The following SMARCAD1 variants were observed in gnomAD, a reference collection of about 807,000 sequenced individuals.
The protein encoded by SMARCAD1 is SNF2 related chromatin remodeling ATPase with DExD box 1.
Under a neutral mutation model 127.1 loss-of-function variants are expected in SMARCAD1, and 25 were observed. The ratio of observed to expected loss-of-function variants is 0.20; its 90% confidence interval spans 0.14 to 0.27. The LOEUF (loss-of-function observed/expected upper bound fraction) is 0.27, where lower values mean the gene tolerates loss of function less well. SMARCAD1 is among the 10% of genes least tolerant of loss of function. The pLI, the probability that SMARCAD1 is intolerant of heterozygous loss-of-function variation, is 1.00. For missense variants in SMARCAD1, 807 were observed against 1,206.0 expected (o/e 0.67, Z 4.90); for synonymous variants, 400 against 396.9 (o/e 1.01, Z -0.09).
At chr4:94,229,046 G>A (rs910724971) in intron 3 of SMARCAD1, among the ~76,000 whole-genome samples, 3 of 152,204 alleles carry the variant, frequency 2.0e-5, no homozygotes, top group South Asian at 2.1e-4. Flanking sequence ...GCATGTGTCA[G>A]GAGACACATG....
intron 21 of SMARCAD1, among the ~76,000 whole-genome samples, chr4:94,282,478 A>G (rs552912102): frequency 2.8e-4 from 42 of 152,102 alleles, no homozygotes; most frequent in African/African-American, 7.9e-4. Context: ...AAAACACCTT[A>G]TCTTTCATCA....
At position 94,285,080 on chromosome 4, in the gene SMARCAD1, T is replaced by C; in HGVS notation, c.3019+11T>C. 1 of 1,546,530 alleles carries C rather than the reference T, an allele frequency of 6.5e-7. No homozygotes were observed. The highest frequency in any genetic ancestry group is 8.9e-7 in the Non-Finnish European group (1 of 1,124,502). ...CTACAGTAGATGAAGGTGAGTTGTTTGTAAGCAGAAACTTCAATATTTATC... is the reference window on the plus strand; with the variant it reads ...CTACAGTAGATGAAGGTGAGTTGTTCGTAAGCAGAAACTTCAATATTTATC... On this transcript the variant is annotated intron_variant, in intron 23 of 23. Coordinates refer to ENST00000354268, the MANE Select transcript of SMARCAD1 (RefSeq NM_020159.5).
intron 8 of SMARCAD1, 41 bp downstream of exon 8, chr4:94,250,874 T>C: frequency 6.9e-7 from 1 of 1,444,110 alleles, no homozygotes; most frequent in Non-Finnish European, 9.7e-7. Context: ...CTTCTCATTA[T>C]AGTCTGTATT....
intron 2 of SMARCAD1, among the ~76,000 whole-genome samples, chr4:94,212,477 A>G (rs1478064459): frequency 1.3e-5 from 2 of 148,336 alleles, no homozygotes; most frequent in Non-Finnish European, 3.0e-5. Context: ...GCCCAGCCCT[A>G]TACATATTTA....
chr4:94,280,025 C>T (rs1236167849), intron 19 of SMARCAD1, among the ~76,000 whole-genome samples: 8 of 151,996 alleles, frequency 5.3e-5, no homozygotes, highest in Admixed American at 5.2e-4. Flanking sequence ...CCACTACGCC[C>T]AGCTAATTTT....
At chr4:94,221,827 A>G (rs1230165597) in intron 2 of SMARCAD1, among the ~76,000 whole-genome samples, 3 of 151,918 alleles carry the variant, frequency 2.0e-5, no homozygotes, top group East Asian at 1.9e-4. Flanking sequence ...CTATATGTAC[A>G]TGGAGATCTA....
chr4:94,289,813 T>C lies in SMARCAD1; in HGVS notation c.*279T>C. 1.8e-6 allele frequency: 1 copy of C among 541,572 alleles called. No homozygotes were observed. The highest frequency in any genetic ancestry group is 3.5e-6 in the Non-Finnish European group (1 of 284,022). 33.5% of individuals were successfully genotyped at this position (541,572 alleles called of 1,614,324 possible). A position where few individuals can be genotyped will look rare whatever the true frequency, so the allele number is the denominator to read the frequency against. On this transcript the variant is annotated 3_prime_UTR_variant, in exon 24 of 24. Coordinates refer to ENST00000354268, the MANE Select transcript of SMARCAD1 (RefSeq NM_020159.5). Reference sequence around the variant, plus strand: ...GAATGGGGATTAGTTGGTGATTGTTTGTAACAAATATGCTAATGCTTTAGA... The same window carrying C: ...GAATGGGGATTAGTTGGTGATTGTTCGTAACAAATATGCTAATGCTTTAGA...
chr4:94,288,800 A>C (rs754423097), intron 23 of SMARCAD1, among the ~76,000 whole-genome samples: 2 of 152,122 alleles, frequency 1.3e-5, no homozygotes, highest in South Asian at 4.1e-4. Context: ...AAATTAATCA[A>C]CTCATCTCAA....
intron 11 of SMARCAD1, 27 bp downstream of exon 11, chr4:94,270,845 G>A: frequency 6.3e-7 from 1 of 1,590,618 alleles, no homozygotes; most frequent in South Asian, 1.1e-5. Flanking sequence ...TCTAAGATTT[G>A]TTGTTGAAAG....
Position 94,207,908 on chromosome 4 carries a change from C to T in SMARCAD1, c.-212C>T. 1 of 338,016 alleles carries T rather than the reference C, an allele frequency of 3.0e-6. No homozygotes were observed. The highest frequency in any genetic ancestry group is 5.8e-6 in the Non-Finnish European group (1 of 172,270). 20.9% of individuals were successfully genotyped at this position (338,016 alleles called of 1,614,324 possible). ...ATGCCCGCCAGCACGGCCTCCGCCGCTCCCCTTCTTTGGCCCCTTTGTGTC... is the reference window on the plus strand; with the variant it reads ...ATGCCCGCCAGCACGGCCTCCGCCGTTCCCCTTCTTTGGCCCCTTTGTGTC... On this transcript the variant is annotated 5_prime_UTR_variant, in exon 1 of 24. Coordinates refer to ENST00000354268, the MANE Select transcript of SMARCAD1 (RefSeq NM_020159.5).
At chr4:94,232,777 A>G (rs1746041014) in intron 3 of SMARCAD1, among the ~76,000 whole-genome samples, 1 of 152,174 alleles carries the variant, frequency 6.6e-6, no homozygotes, top group Non-Finnish European at 1.5e-5. Flanking sequence ...AAACTCTGGC[A>G]GTAGATAAAA....
At chr4:94,267,205 G>A (rs961946366) in intron 10 of SMARCAD1, among the ~76,000 whole-genome samples, 1 of 152,128 alleles carries the variant, frequency 6.6e-6, no homozygotes. Context: ...TTCCTACCCT[G>A]TTCTTACACA....
chr4:94,270,192 A>T (rs1271680337), intron 10 of SMARCAD1, among the ~76,000 whole-genome samples: 1 of 151,968 alleles, frequency 6.6e-6, no homozygotes, highest in Non-Finnish European at 1.5e-5. Flanking sequence ...TGTGCTGTGT[A>T]CATTTGTACG....
At chr4:94,208,097 C>T (rs1741510049) in intron 1 of SMARCAD1, 27 bp downstream of exon 1, 2 of 539,542 alleles carry the variant, frequency 3.7e-6, no homozygotes, top group Non-Finnish European at 7.0e-6. Flanking sequence ...TGAGGGTCAG[C>T]TCGTGGTTTC....
chr4:94,229,305 T>C (rs1745468556), intron 3 of SMARCAD1, among the ~76,000 whole-genome samples: 1 of 152,240 alleles, frequency 6.6e-6, no homozygotes, highest in African/African-American at 2.4e-5. Context: ...ACCAGTGTTC[T>C]AGAACTTAAC....
chr4:94,245,216 C>A (rs550187990), intron 6 of SMARCAD1, among the ~76,000 whole-genome samples: 1 of 152,310 alleles, frequency 6.6e-6, no homozygotes, highest in South Asian at 2.1e-4. Flanking sequence ...TTTCTAGGGT[C>A]CTGTCCTGAT....
At position 94,241,274 on chromosome 4, in the gene SMARCAD1, G is replaced by A. The variant is rs12511433; in HGVS notation, c.705+268G>A. On this transcript the variant is annotated intron_variant, in intron 6 of 23. Coordinates refer to ENST00000354268, the MANE Select transcript of SMARCAD1 (RefSeq NM_020159.5). ...GAATCATTCTTTCTTTTCTTTCACA[G>A]CTAAGCCAGATAATTTGTGCTTGCA... 0.61 allele frequency among the ~76,000 whole-genome samples: 93,404 copies of A among 151,996 alleles called. 28,807 individuals are homozygous for A. The highest frequency in any genetic ancestry group is 0.72 in the East Asian group (3,723 of 5,174).
chr4:94,270,838 A>G lies in SMARCAD1; in HGVS notation c.1572+20A>G, dbSNP rs1429202619. On this transcript the variant is annotated intron_variant, in intron 11 of 23. Transcript: ENST00000354268. ...GAAATGGTAAGTGTACTTTATTTCTAAGATTTGTTGTTGAAAGTGTCATTA... is the reference window on the plus strand; with the variant it reads ...GAAATGGTAAGTGTACTTTATTTCTGAGATTTGTTGTTGAAAGTGTCATTA... The G allele has an allele frequency of 6.2e-7, 1 of 1,602,484 alleles. No individual in the cohort carries two copies. The highest frequency in any genetic ancestry group is 8.5e-7 in the Non-Finnish European group (1 of 1,169,824).
intron 9 of SMARCAD1, chr4:94,253,503 C>CT (rs1186267627): frequency 8.9e-7 from 1 of 1,127,290 alleles, no homozygotes; most frequent in Non-Finnish European, 1.1e-6. Flanking sequence ...TGTTTATTTT[C>CT]TTTTTTTCTT....
Sources: allele counts gnomAD v4.1 joint callset (sites outside exome capture counted in the v4.1 genomes callset), GRCh38; gene constraint gnomAD v4.1.1; transcripts MANE v1.5; gene names NCBI Gene and HGNC (gene_info 2026-07-23, HGNC 2026-07-21).